The following OR51B5 variants were observed in gnomAD, a reference collection of about 807,000 sequenced individuals.
OR51B5 encodes the protein olfactory receptor family 51 subfamily B member 5.
For missense variants in OR51B5, 456 were observed against 374.6 expected (o/e 1.22, Z -1.79); for synonymous variants, 186 against 144.8 (o/e 1.28, Z -2.04).
chr11:5,375,902 C>G (rs186787230), intron 1 of OR51B5, among the ~76,000 whole-genome samples: 383 of 152,128 alleles, frequency 2.5e-3, no homozygotes, highest in African/African-American at 8.9e-3. Flanking sequence ...GACAGATCAA[C>G]GAGACAGAAA....
chr11:5,465,354 G>C (rs1311889142), intron 1 of OR51B5, among the ~76,000 whole-genome samples: 2 of 151,750 alleles, frequency 1.3e-5, no homozygotes, highest in Non-Finnish European at 2.9e-5. Context: ...CTGATGGCCA[G>C]TGATGGTGAG....
chr11:5,402,341 A>C (rs1019189706), intron 1 of OR51B5, among the ~76,000 whole-genome samples: 5 of 152,148 alleles, frequency 3.3e-5, no homozygotes, highest in African/African-American at 1.2e-4. Context: ...TTCTGCCTAT[A>C]ATGTAATATA....
intron 1 of OR51B5, among the ~76,000 whole-genome samples, chr11:5,376,853 G>A (rs1849536362): frequency 6.8e-6 from 1 of 147,640 alleles, no homozygotes; most frequent in Non-Finnish European, 1.5e-5. Context: ...AGGACCAGAT[G>A]GATTCACAGC....
chr11:5,392,360 G>A (rs1849808405), intron 1 of OR51B5: 1 of 152,154 alleles, frequency 6.6e-6, no homozygotes, highest in Non-Finnish European at 1.5e-5. Context: ...TCTTCTCCAT[G>A]TTGAGAGGAA....
chr11:5,340,400 C>T (rs1328775179), downstream of OR51B5: 1 of 151,734 alleles, frequency 6.6e-6, no homozygotes, highest in Admixed American at 6.6e-5. Context: ...TTTGAAGTCA[C>T]TTGCCTGATG....
intron 1 of OR51B5, chr11:5,393,036 A>T (rs1033868606): frequency 6.6e-6 from 1 of 152,250 alleles, no homozygotes; most frequent in South Asian, 2.1e-4. Flanking sequence ...AAAATACATC[A>T]AAAGACTTGA....
chr11:5,464,519 G>A (rs918424828), intron 1 of OR51B5, among the ~76,000 whole-genome samples: 3 of 141,500 alleles, frequency 2.1e-5, no homozygotes, highest in African/African-American at 7.9e-5. Context: ...TCCCACCTAT[G>A]AGTGAGAATA....
At chr11:5,419,350 C>T (rs1476971059) in intron 1 of OR51B5, among the ~76,000 whole-genome samples, 1 of 152,160 alleles carries the variant, frequency 6.6e-6, no homozygotes, top group Admixed American at 6.5e-5. Flanking sequence ...TGGTAATGTA[C>T]TTTGGCTTTG....
intron 1 of OR51B5, chr11:5,489,428 T>C (rs1402420616): frequency 6.2e-7 from 1 of 1,613,944 alleles, no homozygotes; most frequent in African/African-American, 1.3e-5. Context: ...CACAAAGCTC[T>C]GAGTACCTGT....
intron 1 of OR51B5, among the ~76,000 whole-genome samples, chr11:5,359,882 A>G (rs895449806): frequency 6.6e-6 from 1 of 152,228 alleles, no homozygotes; most frequent in African/African-American, 2.4e-5. Context: ...TGACAAAAAA[A>G]ACAAATGGGG....
chr11:5,410,578 T>C (rs574059636), intron 1 of OR51B5, among the ~76,000 whole-genome samples: 1 of 152,282 alleles, frequency 6.6e-6, no homozygotes, highest in African/African-American at 2.4e-5. Context: ...ACTTTACTTT[T>C]ATTGTTATTT....
intron 1 of OR51B5, chr11:5,389,681 G>A (rs749236572): frequency 2.0e-5 from 32 of 1,613,438 alleles, no homozygotes; most frequent in African/African-American, 2.7e-5. Flanking sequence ...CACCACTATG[G>A]GGATCTTCTG....
intron 1 of OR51B5, among the ~76,000 whole-genome samples, chr11:5,429,665 T>C (rs1162329212): frequency 2.0e-5 from 3 of 151,782 alleles, no homozygotes; most frequent in Non-Finnish European, 4.4e-5. Flanking sequence ...CCCATGATTA[T>C]GGGGCTGAGG....
intron 1 of OR51B5, among the ~76,000 whole-genome samples, chr11:5,446,773 G>A (rs1850770031): frequency 1.3e-5 from 2 of 152,180 alleles, no homozygotes; most frequent in South Asian, 2.1e-4. Context: ...TCCAGTGGAT[G>A]CCACAGAAAC....
intron 1 of OR51B5, chr11:5,351,895 TATACCTCTATCCTGACCAA>T: frequency 6.2e-7 from 1 of 1,613,172 alleles, no homozygotes; most frequent in Non-Finnish European, 8.5e-7. Flanking sequence ...CCCCTTAAGA[TATACCTCTATCCTGACCAA>T]CACCCAGGTA....
intron 1 of OR51B5, among the ~76,000 whole-genome samples, chr11:5,384,654 C>T (rs1174485282): frequency 6.6e-6 from 1 of 152,214 alleles, no homozygotes; most frequent in Non-Finnish European, 1.5e-5. Context: ...CTGGTATACA[C>T]ACCCTCTCCT....
intron 1 of OR51B5, among the ~76,000 whole-genome samples, chr11:5,377,047 T>C (rs1849539015): frequency 6.6e-6 from 1 of 152,166 alleles, no homozygotes; most frequent in South Asian, 2.1e-4. Flanking sequence ...TGAACATCGA[T>C]GCAAAAATCC....
intron 1 of OR51B5, among the ~76,000 whole-genome samples, chr11:5,446,338 C>G (rs1205799608): frequency 6.6e-6 from 1 of 151,864 alleles, no homozygotes; most frequent in African/African-American, 2.4e-5. Context: ...ATAAAATATT[C>G]ATGGTAGAAT....
intron 1 of OR51B5, among the ~76,000 whole-genome samples, chr11:5,380,245 C>G (rs1015823187): frequency 6.6e-6 from 1 of 152,158 alleles, no homozygotes; most frequent in Non-Finnish European, 1.5e-5. Flanking sequence ...CTCTGTAAAC[C>G]TTCCAGACTC....
Sources: gnomAD v4.1 joint callset for allele counts (sites outside exome capture counted in the v4.1 genomes callset) on GRCh38, gnomAD v4.1.1 for gene constraint, MANE v1.5 for transcripts, NCBI Gene and HGNC (gene_info 2026-07-23, HGNC 2026-07-21) for gene names.